Variants in ST3GAL6 observed in about 807,000 individuals in gnomAD.
ST3GAL6 encodes the protein type 2 lactosamine alpha-2,3-sialyltransferase.
Under a neutral mutation model 40.5 loss-of-function variants are expected in ST3GAL6, and 31 were observed. That is an observed-to-expected ratio of 0.77 (90% CI 0.58 to 1.03). ST3GAL6 has a LOEUF of 1.03. Among genes scored for constraint, ST3GAL6 ranks in the 50% least tolerant of loss-of-function variants. ST3GAL6 has a pLI of 0.00. For missense variants in ST3GAL6, 357 were observed against 393.2 expected, an observed-to-expected ratio of 0.91 and a Z score of 0.78; for synonymous variants, 129 against 136.9, an observed-to-expected ratio of 0.94 and a Z score of 0.40.
upstream of ST3GAL6, among the ~76,000 whole-genome samples, chr3:98,759,327 A>T (rs995121884): frequency 6.6e-6 from 1 of 152,212 alleles, no homozygotes; most frequent in Non-Finnish European, 1.5e-5. Context: ...CTAGAAACAC[A>T]GGCAGAGAAG....
intron 5 of ST3GAL6, among the ~76,000 whole-genome samples, chr3:98,774,568 ATT>A (rs1415265280): frequency 6.6e-6 from 1 of 152,210 alleles, no homozygotes; most frequent in Non-Finnish European, 1.5e-5. Flanking sequence ...TGTTGGGCTT[ATT>A]TTACAGAGGT....
upstream of ST3GAL6, among the ~76,000 whole-genome samples, chr3:98,761,227 T>A (rs954288240): frequency 2.7e-4 from 41 of 152,152 alleles, no homozygotes; most frequent in African/African-American, 9.9e-4. Flanking sequence ...GGAGGATTAC[T>A]TGAGCCCAGA....
rs1285945306 is a variant in ST3GAL6 at position 98,772,927 on chromosome 3, G to A, written c.271+11G>A. 2 of 1,542,128 alleles carry A rather than the reference G, an allele frequency of 1.3e-6. No homozygotes were observed. The highest frequency in any genetic ancestry group is 1.7e-5 in the Admixed American group (1 of 59,554). On this transcript the variant is annotated intron_variant, in intron 4 of 9. Coordinates refer to ENST00000483910, the MANE Select transcript of ST3GAL6 (RefSeq NM_001323368.2). ...GGATGAGAACATCAGGTCAGTAGTA[G>A]TATTCTTACCTGGTTCTGTTAAATT...
chr3:98,733,231 G>C, intron 1 of ST3GAL6: 8 of 968,170 alleles, frequency 8.3e-6, no homozygotes, highest in Non-Finnish European at 9.8e-6. Context: ...CGAGCCAGCC[G>C]GCGTGCGCCG....
At chr3:98,735,093 A>G (rs946182102) in intron 1 of ST3GAL6, among the ~76,000 whole-genome samples, 1 of 152,238 alleles carries the variant, frequency 6.6e-6, no homozygotes, top group Admixed American at 6.5e-5. Context: ...ACCCACTCTG[A>G]TTTTTGGTGT....
chr3:98,782,811 A>G (rs12108142), intron 5 of ST3GAL6: 22,443 of 507,450 alleles, frequency 0.044, 740 homozygotes, highest in Non-Finnish European at 0.06. Flanking sequence ...GAGAAACAGG[A>G]GTTGAATGAA....
At chr3:98,766,483 G>A (rs139544879) in intron 1 of ST3GAL6, among the ~76,000 whole-genome samples, 60 of 144,594 alleles carry the variant, frequency 4.1e-4, no homozygotes, top group African/African-American at 1.2e-3. Context: ...GTGCAGTGGC[G>A]TGATCTCGGC....
At chr3:98,786,444 T>C (rs1482834505) in intron 6 of ST3GAL6, among the ~76,000 whole-genome samples, 1 of 152,038 alleles carries the variant, frequency 6.6e-6, no homozygotes, top group African/African-American at 2.4e-5. Context: ...TCATGCAAGA[T>C]AAGGACAGAG....
chr3:98,733,139 G>A (rs966711327), intron 1 of ST3GAL6: 17 of 1,260,404 alleles, frequency 1.3e-5, no homozygotes, highest in Non-Finnish European at 1.6e-5. Context: ...GACACGGAGC[G>A]CTGTTTGCCC....
At chr3:98,736,451 C>T (rs1314373012) in intron 1 of ST3GAL6, among the ~76,000 whole-genome samples, 1 of 152,130 alleles carries the variant, frequency 6.6e-6, no homozygotes, top group Non-Finnish European at 1.5e-5. Context: ...GAGGAGACGG[C>T]AAGGAAGCTG....
intron 1 of ST3GAL6, chr3:98,733,606 G>A: frequency 1.0e-6 from 1 of 985,416 alleles, no homozygotes; most frequent in South Asian, 4.7e-5. Flanking sequence ...GTAAATTGCA[G>A]TGTTTGGGCT....
chr3:98,778,269 C>G lies in ST3GAL6; in HGVS notation c.335+4286C>G, dbSNP rs1939738707. On this transcript the variant is annotated intron_variant, in intron 5 of 9. Transcript: ENST00000483910. ...GCCTGGTTGCTCTCTCAAGCAGCATCCATTATGTCAGCATCAGCAAAGCTG... is the reference window on the plus strand; with the variant it reads ...GCCTGGTTGCTCTCTCAAGCAGCATGCATTATGTCAGCATCAGCAAAGCTG... Among the ~76,000 whole-genome samples, 5 of 152,194 alleles carry G rather than the reference C, an allele frequency of 3.3e-5. No homozygotes were observed. The South Asian group carries it at 1.0e-3, about 32-fold the overall frequency.
At chr3:98,736,668 A>G (rs1935570513) in intron 1 of ST3GAL6, among the ~76,000 whole-genome samples, 1 of 152,172 alleles carries the variant, frequency 6.6e-6, no homozygotes, top group Non-Finnish European at 1.5e-5. Flanking sequence ...ACCAACATTC[A>G]CTGAATGTCC....
At position 98,788,174 on chromosome 3, in the gene ST3GAL6, G is replaced by A. The variant is rs1223272342; in HGVS notation, c.570G>A (p.Lys190=). The change falls in exon 7 of 10, where the codon AAG becomes AAA. Residue 190 remains lysine, a synonymous_variant. Coordinates refer to ENST00000483910, the MANE Select transcript of ST3GAL6 (RefSeq NM_001323368.2). ...CGACAGTGATTCTCACTGCTTTTAA[G>A]CCACATGATTTAAGGTGGCTGTTGG... ...PNTTVILTAF[K]PHDLRWLLEL... 2 of 1,613,568 alleles carry A rather than the reference G, an allele frequency of 1.2e-6. No individual in the cohort carries two copies. Among genetic ancestry groups the A allele is most frequent in the African/African-American group, 1.3e-5 (1 of 75,032 alleles).
intron 1 of ST3GAL6, among the ~76,000 whole-genome samples, chr3:98,735,779 A>G (rs1373435922): frequency 1.1e-4 from 16 of 151,752 alleles, no homozygotes. Flanking sequence ...AGCTTGATGC[A>G]TGGAATAGAA....
At chr3:98,763,289 G>T (rs1006680322), upstream of ST3GAL6, 40 of 1,282,500 alleles carry the variant, frequency 3.1e-5, no homozygotes, top group Non-Finnish European at 4.1e-5. Context: ...AGGAAGGAAG[G>T]CAGGATGTGA....
At chr3:98,780,560 T>G (rs1305063006) in intron 5 of ST3GAL6, among the ~76,000 whole-genome samples, 3 of 147,298 alleles carry the variant, frequency 2.0e-5, no homozygotes, top group African/African-American at 7.3e-5. Flanking sequence ...TGAGGCAATG[T>G]CTATGTTATT....
At chr3:98,775,706 T>C (rs757530356) in intron 5 of ST3GAL6, among the ~76,000 whole-genome samples, 2 of 152,210 alleles carry the variant, frequency 1.3e-5, no homozygotes, top group Non-Finnish European at 2.9e-5. Context: ...TCCATCAGGC[T>C]AATTTTTCTC....
At chr3:98,781,595 T>C (rs1282820116) in intron 5 of ST3GAL6, among the ~76,000 whole-genome samples, 1 of 152,162 alleles carries the variant, frequency 6.6e-6, no homozygotes. Context: ...TGGTGGCTTG[T>C]TGGCCTTTGC....
Sources: gnomAD v4.1 joint callset for allele counts (sites outside exome capture counted in the v4.1 genomes callset) on GRCh38, gnomAD v4.1.1 for gene constraint, MANE v1.5 for transcripts, NCBI Gene and HGNC (gene_info 2026-07-23, HGNC 2026-07-21) for gene names.